HMCN1: variants seen among roughly 807,000 people sequenced by gnomAD.
HMCN1 encodes hemicentin-1.
HMCN1 carries 321 observed loss-of-function variants against 625.9 expected under a neutral mutation model. The ratio of observed to expected loss-of-function variants is 0.51; its 90% confidence interval spans 0.47 to 0.56. The LOEUF (loss-of-function observed/expected upper bound fraction) is 0.56. Among genes scored for constraint, HMCN1 ranks in the 20% least tolerant of loss-of-function variants. The pLI is 0.00. For synonymous variants in HMCN1, 2,425 were observed against 2,417.6 expected (o/e 1.00, Z -0.09); for missense variants, 6,588 against 6,887.3 (o/e 0.96, Z 1.54).
At chr1:185,915,962 C>T (rs1166952119) in intron 6 of HMCN1, among the ~76,000 whole-genome samples, 5 of 152,004 alleles carry the variant, frequency 3.3e-5, no homozygotes, top group East Asian at 3.9e-4. Flanking sequence ...CTTCCAATAT[C>T]GGACTGTCAA....
Position 186,145,441 on chromosome 1 carries a change from T to A in HMCN1, c.14305T>A (p.Cys4769Ser), listed in dbSNP as rs769752635. The A allele has an allele frequency of 2.5e-6, 4 of 1,599,370 alleles. No individual in the cohort carries two copies. Among genetic ancestry groups the A allele is most frequent in the Non-Finnish European group, 3.4e-6 (4 of 1,171,670 alleles). Residue 4769 changes from cysteine (C) to serine (S), a missense_variant, in exon 92 of 107, where the codon TGC becomes AGC. Transcript: ENST00000271588. The stretch of plus-strand genomic sequence containing the variant: ...GAGTCCTTGGAGTGGCTGGGGAACA[T>A]GCAGCCGGACGTGTAACGGAGGGCA... ...NWSPWSGWGT[C>S]SRTCNGGQMR...
At chr1:185,770,519 G>T (rs1656168134) in intron 1 of HMCN1, among the ~76,000 whole-genome samples, 1 of 152,164 alleles carries the variant, frequency 6.6e-6, no homozygotes, top group South Asian at 2.1e-4. Flanking sequence ...GAAAAATGGA[G>T]CTTTTGTTTT....
chr1:185,864,387 A>T, intron 2 of HMCN1, 83 bp from the exon 3 acceptor site: 1 of 1,342,604 alleles, frequency 7.4e-7, no homozygotes, highest in South Asian at 1.2e-5. Context: ...CTCGTTCTAA[A>T]ACTCCCAAAG....
rs71101981 is a variant in HMCN1, at chr1:185,859,019, A to ATG, written c.340-5409_340-5408dup. ...CTATAAAGAAACCAGTGGGTTAAAG[A>ATG]TGTGTGTGTGTGTGTGTGTGTGTGT... On this transcript the variant is annotated intron_variant, in intron 2 of 106. Coordinates refer to ENST00000271588, the MANE Select transcript of HMCN1 (RefSeq NM_031935.3). Among the ~76,000 whole-genome samples, 1,240 of 139,952 alleles carry ATG rather than the reference A, an allele frequency of 8.9e-3. 13 individuals are homozygous for ATG. The highest frequency in any genetic ancestry group is 0.012 in the Non-Finnish European group (788 of 64,570). 91.8% of individuals were successfully genotyped at this position (139,952 alleles called of 152,430 possible).
At chr1:185,815,687 C>G (rs759573250) in intron 1 of HMCN1, among the ~76,000 whole-genome samples, 1 of 149,778 alleles carries the variant, frequency 6.7e-6, no homozygotes. Flanking sequence ...AAAAAAAGAC[C>G]GATCTTAGTA....
chr1:186,021,498 A>G, intron 35 of HMCN1, among the ~76,000 whole-genome samples: 1 of 152,082 alleles, frequency 6.6e-6, no homozygotes, highest in East Asian at 1.9e-4. Context: ...CCAAGGAGAG[A>G]GTAAAGGGTA....
intron 2 of HMCN1, among the ~76,000 whole-genome samples, chr1:185,849,674 T>C (rs1048051312): frequency 6.6e-6 from 1 of 152,230 alleles, no homozygotes; most frequent in African/African-American, 2.4e-5. Context: ...AAGTTTGGCA[T>C]TCCAAATGTG....
intron 1 of HMCN1, among the ~76,000 whole-genome samples, chr1:185,752,645 A>G (rs1654889379): frequency 6.6e-6 from 1 of 152,112 alleles, no homozygotes; most frequent in Non-Finnish European, 1.5e-5. Flanking sequence ...TTGCCTCTAT[A>G]TTCTTTTCCC....
chr1:186,123,102 C>T lies in HMCN1; in HGVS notation c.12381C>T (p.Val4127=). The T allele has an allele frequency of 6.2e-7, 1 of 1,614,130 alleles. No individual in the cohort carries two copies. Among genetic ancestry groups the T allele is most frequent in the South Asian group, 1.1e-5 (1 of 91,082 alleles). Residue 4127 remains valine (V), a synonymous_variant, in exon 81 of 107, where the codon GTC becomes GTT. Coordinates refer to ENST00000271588, the MANE Select transcript of HMCN1 (RefSeq NM_031935.3). The part of the protein sequence containing the change: ...RAIVESIRQR[V]LSSGSLQIAF... ...TTGTGGAATCTATCCGCCAGCGCGT[C>T]CTCAGCTCTGGCTCTCTGCAAATAG...
intron 15 of HMCN1, among the ~76,000 whole-genome samples, chr1:185,975,092 G>A (rs944565518): frequency 1.3e-5 from 2 of 152,240 alleles, no homozygotes; most frequent in South Asian, 4.1e-4. Flanking sequence ...GCATTTACCT[G>A]CCCATACTCT....
chr1:186,132,517 A>G, intron 86 of HMCN1, 108 bp downstream of exon 86: 2 of 860,518 alleles, frequency 2.3e-6, no homozygotes, highest in South Asian at 1.4e-5. Flanking sequence ...GGTAGCTCTC[A>G]GAGTGTGTCT....
At chr1:186,057,071 G>C (rs1487508844) in intron 45 of HMCN1, among the ~76,000 whole-genome samples, 163 bp from the exon 46 acceptor site, 2 of 147,044 alleles carry the variant, frequency 1.4e-5, no homozygotes, top group Non-Finnish European at 3.0e-5. Context: ...ACACACAGCT[G>C]GTTGTTGTGA....
intron 11 of HMCN1, among the ~76,000 whole-genome samples, chr1:185,937,359 A>C (rs1426929947): frequency 6.6e-6 from 1 of 152,166 alleles, no homozygotes; most frequent in Non-Finnish European, 1.5e-5. Context: ...TTGCATCAGC[A>C]CATGGTGGAA....
At position 185,772,217 on chromosome 1, in the gene HMCN1, A is replaced by G. The variant is rs376958416; in HGVS notation, c.268+37170A>G. Among the ~76,000 whole-genome samples, 18 of 152,208 alleles carry G rather than the reference A, an allele frequency of 1.2e-4. 1 individual carries two copies. Among genetic ancestry groups the G allele is most frequent in the Admixed American group, 7.2e-4 (11 of 15,264 alleles). Reference sequence around the variant, plus strand: ...TTATATAACAGGCTGAAGATTTTCAATTTAGTTCTGTGAGTGATGAAGAAC... The same window carrying G: ...TTATATAACAGGCTGAAGATTTTCAGTTTAGTTCTGTGAGTGATGAAGAAC... On this transcript the variant is annotated intron_variant, in intron 1 of 106. Coordinates refer to ENST00000271588, the MANE Select transcript of HMCN1 (RefSeq NM_031935.3).
intron 11 of HMCN1, among the ~76,000 whole-genome samples, chr1:185,960,486 A>G (rs1465244876): frequency 6.6e-6 from 1 of 152,176 alleles, no homozygotes; most frequent in Non-Finnish European, 1.5e-5. Context: ...GGATGATGTC[A>G]TCCCATCTGT....
intron 55 of HMCN1, among the ~76,000 whole-genome samples, chr1:186,078,535 A>T (rs1658966999): frequency 6.6e-6 from 1 of 152,180 alleles, no homozygotes; most frequent in Non-Finnish European, 1.5e-5. Context: ...GGTCAACCAG[A>T]CTTTACCTCT....
intron 70 of HMCN1, among the ~76,000 whole-genome samples, chr1:186,107,305 T>C (rs1660656562): frequency 6.6e-6 from 1 of 152,234 alleles, no homozygotes; most frequent in Non-Finnish European, 1.5e-5. Flanking sequence ...TATATTTGAC[T>C]AATCAAACGC....
Position 185,960,155 on chromosome 1 carries a change from T to G in HMCN1, c.1829-2363T>G, listed in dbSNP as rs1317026523. Among the ~76,000 whole-genome samples the G allele has an allele frequency of 2.9e-5, 4 of 139,200 alleles. No individual in the cohort carries two copies. In the Admixed American group the frequency reaches 3.1e-4, roughly 11 times the overall value. 91.3% of individuals were successfully genotyped at this position (139,200 alleles called of 152,430 possible). A position where few individuals can be genotyped will look rare whatever the true frequency, so the allele number is the denominator to read the frequency against. On this transcript the variant is annotated intron_variant, in intron 11 of 106. Transcript: ENST00000271588. Reference sequence around the variant, plus strand: ...TTTTTTTTTTTTTTTTGAGACGGAGTTTTGCTCTTGTTCTCCAGGCTGGAG... The same window carrying G: ...TTTTTTTTTTTTTTTTGAGACGGAGGTTTGCTCTTGTTCTCCAGGCTGGAG...
At chr1:186,185,659 T>TA (rs1653252400) in intron 105 of HMCN1, among the ~76,000 whole-genome samples, 1 of 152,244 alleles carries the variant, frequency 6.6e-6, no homozygotes, top group Non-Finnish European at 1.5e-5. Context: ...AATAAATACT[T>TA]ACATTGTCTG....
Sources: allele counts gnomAD v4.1 joint callset (sites outside exome capture counted in the v4.1 genomes callset), GRCh38; gene constraint gnomAD v4.1.1; transcripts MANE v1.5; gene names NCBI Gene and HGNC (gene_info 2026-07-23, HGNC 2026-07-21).